The following RFTN1 variants were observed in gnomAD, a reference collection of about 807,000 sequenced individuals.
RFTN1 encodes the protein raftlin, lipid raft linker 1.
A neutral mutation model predicts 46.5 loss-of-function variants in RFTN1; 26 were observed. That is an observed-to-expected ratio of 0.56 (90% CI 0.41 to 0.78). The LOEUF is 0.78. Among genes scored for constraint, RFTN1 ranks in the 30% least tolerant of loss-of-function variants. The pLI, the probability that RFTN1 is intolerant of heterozygous loss-of-function variation, is 0.00. For synonymous variants in RFTN1, 261 were observed against 284.2 expected (o/e 0.92, Z 0.82); for missense variants, 693 against 718.7 (o/e 0.96, Z 0.41).
rs901470557 is a variant in RFTN1, at chr3:16,382,012, A to G, written c.442-3910T>C. ...CTTCAGCACAAATTTTGTATCTTAT[A>G]CCATAGTGCTACCTAGGATCCAAAC... On this transcript the variant is annotated intron_variant, in intron 4 of 9. Transcript: ENST00000334133. This position sits in a 1 kb window ranked among gnomAD's most constrained non-coding sequence, Gnocchi z 4.7. Among the ~76,000 whole-genome samples the G allele has an allele frequency of 5.9e-5, 9 of 152,154 alleles. No individual in the cohort carries two copies. The highest frequency in any genetic ancestry group is 1.9e-4 in the African/African-American group (8 of 41,424).
rs2075649449 is a variant in RFTN1 at position 16,442,612 on chromosome 3, C to G, written c.146-8575G>C. 6.6e-6 allele frequency among the ~76,000 whole-genome samples: 1 copy of G among 152,086 alleles called. No homozygotes were observed. Among genetic ancestry groups the G allele is most frequent in the African/African-American group, 2.4e-5 (1 of 41,422 alleles). On this transcript the variant is annotated intron_variant, in intron 2 of 9. Coordinates refer to ENST00000334133, the MANE Select transcript of RFTN1 (RefSeq NM_015150.2). This position sits in a 1 kb window ranked among gnomAD's most constrained non-coding sequence, Gnocchi z 4.1. Reference sequence around the variant, plus strand: ...GGTAAGAGTACCTAAAATCTATTCCCTGAGCAGATCTCCAGTACGCGATGT... The same window carrying G: ...GGTAAGAGTACCTAAAATCTATTCCGTGAGCAGATCTCCAGTACGCGATGT...
rs2076236928 is a variant in RFTN1, at chr3:16,473,693, C to G, written c.145+20032G>C. On this transcript the variant is annotated intron_variant, in intron 2 of 9. Coordinates refer to ENST00000334133, the MANE Select transcript of RFTN1 (RefSeq NM_015150.2). This position sits in a 1 kb window ranked among gnomAD's most constrained non-coding sequence, Gnocchi z 5.3. ...AAGTGCTAAGATTACAGTTGTGAGC[C>G]ACTGCACCTGGCCAAATACTCGGTA... Among the ~76,000 whole-genome samples the G allele has an allele frequency of 6.6e-6, 1 of 152,204 alleles. No individual in the cohort carries two copies. Among genetic ancestry groups the G allele is most frequent in the Non-Finnish European group, 1.5e-5 (1 of 68,038 alleles).
chr3:16,513,265 C>T lies in RFTN1; in HGVS notation c.-9+177G>A, dbSNP rs931813491. On this transcript the variant is annotated intron_variant, in intron 1 of 9. Transcript: ENST00000334133. This position sits in a 1 kb window ranked among gnomAD's most constrained non-coding sequence, Gnocchi z 5.4. ...CCCAAGGATCAGCCCAGGTCCCCATCCGACGCGGGCCAGGGGGTGCTGCTC... is the reference window on the plus strand; with the variant it reads ...CCCAAGGATCAGCCCAGGTCCCCATTCGACGCGGGCCAGGGGGTGCTGCTC... The T allele has an allele frequency of 2.0e-5, 3 of 152,458 alleles. No individual in the cohort carries two copies. Among genetic ancestry groups the T allele is most frequent in the African/African-American group, 7.2e-5 (3 of 41,472 alleles). 9.4% of individuals were successfully genotyped at this position (152,458 alleles called of 1,614,324 possible).
chr3:16,489,980 A>C lies in RFTN1; in HGVS notation c.145+3745T>G, dbSNP rs753785406. ...CCTATCACAGGACTGGGCACATAGTAGCACTCAACAAACGTCAGCTCCATT... is the reference window on the plus strand; with the variant it reads ...CCTATCACAGGACTGGGCACATAGTCGCACTCAACAAACGTCAGCTCCATT... On this transcript the variant is annotated intron_variant, in intron 2 of 9. Coordinates refer to ENST00000334133, the MANE Select transcript of RFTN1 (RefSeq NM_015150.2). This position sits in a 1 kb window ranked among gnomAD's most constrained non-coding sequence, Gnocchi z 4.0. Among the ~76,000 whole-genome samples the C allele has an allele frequency of 7.9e-5, 12 of 152,214 alleles. No homozygotes were observed. Among genetic ancestry groups the C allele is most frequent in the Non-Finnish European group, 1.3e-4 (9 of 68,032 alleles).
rs1278452985 is a variant in RFTN1 at position 16,358,027 on chromosome 3, C to G, written c.1051G>C (p.Asp351His). The G allele has an allele frequency of 4.0e-6, 6 of 1,500,252 alleles. No homozygotes were observed. In the South Asian group the frequency reaches 6.8e-5, roughly 17 times the overall value. The allele number at this position is 1,500,252 out of a possible 1,614,324, so 92.9% of individuals were successfully genotyped here. ...ACAGCTTCAAAGATGAATACTCCAT[C>G]TGTCAAGCCATGTAAGGAATCTGTG... ...IVNDSLHGLT[D>H]GVFIFEAVST... Residue 351 changes from aspartate (D) to histidine (H), a missense_variant, in exon 7 of 10, where the codon GAT becomes CAT. Asp to His is a moderately conservative substitution (Grantham distance 81). Transcript: ENST00000334133.
chr3:16,391,748 A>G (rs1343207851), intron 4 of RFTN1, among the ~76,000 whole-genome samples: 1 of 152,148 alleles, frequency 6.6e-6, no homozygotes, highest in African/African-American at 2.4e-5. Context: ...AACTAATCAA[A>G]TAAGGCTCTT....
At chr3:16,461,787 T>A (rs2076011685) in intron 2 of RFTN1, among the ~76,000 whole-genome samples, 1 of 152,212 alleles carries the variant, frequency 6.6e-6, no homozygotes, top group South Asian at 2.1e-4. Flanking sequence ...TAATTTTTCC[T>A]TCCAGTACAC....
intron 7 of RFTN1, among the ~76,000 whole-genome samples, chr3:16,331,183 A>C (rs2125245166): frequency 6.6e-6 from 1 of 152,320 alleles, no homozygotes; most frequent in East Asian, 1.9e-4. Context: ...AGGGTATGTA[A>C]GGGAGAGTCC....
chr3:16,435,907 CAG>C (rs1174682078), intron 2 of RFTN1, among the ~76,000 whole-genome samples: 1 of 113,102 alleles, frequency 8.8e-6, no homozygotes, highest in African/African-American at 3.8e-5. Flanking sequence ...AATAAAAAAT[CAG>C]AGATGTAAAT....
At chr3:16,366,591 C>T (rs1300534700) in intron 6 of RFTN1, among the ~76,000 whole-genome samples, 1 of 151,298 alleles carries the variant, frequency 6.6e-6, no homozygotes, top group African/African-American at 2.4e-5. Flanking sequence ...CTATCCCGCC[C>T]ACCTCATGGT....
chr3:16,476,519 G>A (rs1319184727), intron 2 of RFTN1, among the ~76,000 whole-genome samples: 1 of 152,192 alleles, frequency 6.6e-6, no homozygotes, highest in Non-Finnish European at 1.5e-5. Context: ...GTTGGGCAAG[G>A]AAAGAGGCTG....
chr3:16,438,184 C>T (rs936364693), intron 2 of RFTN1, among the ~76,000 whole-genome samples: 1 of 152,084 alleles, frequency 6.6e-6, no homozygotes, highest in African/African-American at 2.4e-5. Flanking sequence ...TCAAACTCTT[C>T]CTGCTATAAT....
chr3:16,327,007 CTGCTCCGA>C lies in RFTN1; in HGVS notation c.1147-139_1147-132del. The stretch of plus-strand genomic sequence containing the variant: ...GCGGTGCCCGGCCACTCAGAGGCTC[CTGCTCCGA>C]TGCTTGCTGAAGACTTTAAAAGTTT... On this transcript the variant is annotated intron_variant, in intron 7 of 9. Coordinates refer to ENST00000334133, the MANE Select transcript of RFTN1 (RefSeq NM_015150.2). The surrounding 1 kb of genome is among the most constrained non-coding windows in gnomAD (Gnocchi z 4.2). 1.6e-6 allele frequency: 1 copy of C among 629,072 alleles called. No homozygotes were observed. The allele number at this position is 629,072 out of a possible 1,614,324, so 39.0% of individuals were successfully genotyped here. A position where few individuals can be genotyped will look rare whatever the true frequency, so the allele number is the denominator to read the frequency against.
intron 1 of RFTN1, among the ~76,000 whole-genome samples, chr3:16,496,953 TG>T (rs1341077714): frequency 3.3e-5 from 5 of 150,126 alleles, no homozygotes; most frequent in Non-Finnish European, 7.4e-5. Context: ...CAAAAAGGAG[TG>T]GGGGTGGGGG....
rs2075734860 is a variant in RFTN1 at position 16,446,651 on chromosome 3, A to C, written c.146-12614T>G. On this transcript the variant is annotated intron_variant, in intron 2 of 9. Coordinates refer to ENST00000334133, the MANE Select transcript of RFTN1 (RefSeq NM_015150.2). The surrounding 1 kb of genome is among the most constrained non-coding windows in gnomAD (Gnocchi z 4.5). Reference sequence around the variant, plus strand: ...AAATTTCACTTTGTAAAGATGGCCAAATAATAATAGGACAAAGACCATGGT... The same window carrying C: ...AAATTTCACTTTGTAAAGATGGCCACATAATAATAGGACAAAGACCATGGT... Among the ~76,000 whole-genome samples the C allele has an allele frequency of 6.6e-6, 1 of 152,242 alleles. No homozygotes were observed. The highest frequency in any genetic ancestry group is 1.5e-5 in the Non-Finnish European group (1 of 68,044).
intron 2 of RFTN1, among the ~76,000 whole-genome samples, chr3:16,436,603 A>G (rs1433976676): frequency 6.6e-6 from 1 of 152,202 alleles, no homozygotes; most frequent in East Asian, 1.9e-4. Flanking sequence ...CATTTTTTGC[A>G]TATAAATCTT....
At chr3:16,438,220 A>G (rs1197798214) in intron 2 of RFTN1, among the ~76,000 whole-genome samples, 1 of 152,202 alleles carries the variant, frequency 6.6e-6, no homozygotes, top group East Asian at 1.9e-4. Flanking sequence ...TGAGAGTTTG[A>G]TAATTTATAC....
intron 6 of RFTN1, among the ~76,000 whole-genome samples, chr3:16,359,340 T>G (rs1378522753): frequency 6.6e-6 from 1 of 152,194 alleles, no homozygotes; most frequent in Non-Finnish European, 1.5e-5. Flanking sequence ...GACTGAATTG[T>G]TTCCTCCCAA....
In RFTN1 at chr3:16,385,810, A is replaced by C. The variant is rs1284486951; in HGVS notation, c.442-7708T>G. On this transcript the variant is annotated intron_variant, in intron 4 of 9. Coordinates refer to ENST00000334133, the MANE Select transcript of RFTN1 (RefSeq NM_015150.2). This position sits in a 1 kb window ranked among gnomAD's most constrained non-coding sequence, Gnocchi z 5.0. ...TCCCAATCTTCCTCAGTGTATGCCC[A>C]TCAGCAGAATTCAACATATGTGTGG... Among the ~76,000 whole-genome samples the C allele has an allele frequency of 6.6e-6, 1 of 152,184 alleles. No individual in the cohort carries two copies. The highest frequency in any genetic ancestry group is 1.5e-5 in the Non-Finnish European group (1 of 68,018).
Sources: gnomAD v4.1 joint callset for allele counts (sites outside exome capture counted in the v4.1 genomes callset) on GRCh38, gnomAD v4.1.1 for gene constraint, Gnocchi (gnomAD v3.1) non-coding constraint, MANE v1.5 for transcripts, NCBI Gene and HGNC (gene_info 2026-07-23, HGNC 2026-07-21) for gene names.